The following DPP10 variants were observed in gnomAD, a reference collection of about 807,000 sequenced individuals.
DPP10 encodes the protein inactive dipeptidyl peptidase 10.
Under a neutral mutation model 120.9 loss-of-function variants are expected in DPP10, and 33 were observed. The ratio of observed to expected loss-of-function variants is 0.27; its 90% CI spans 0.21 to 0.37. The LOEUF (loss-of-function observed/expected upper bound fraction) is 0.37. Among genes scored for constraint, DPP10 ranks in the 10% least tolerant of loss-of-function variants. DPP10 has a pLI of 1.00. For synonymous variants in DPP10, 337 were observed against 326.1 expected (o/e 1.03, Z -0.36); for missense variants, 816 against 942.8 (o/e 0.87, Z 1.76).
chr2:115,249,399 G>A (rs368073550), intron 1 of DPP10, among the ~76,000 whole-genome samples: 150 of 152,144 alleles, frequency 9.9e-4, no homozygotes, highest in African/African-American at 3.4e-3. Context: ...CAAATAGAGG[G>A]AACCACATAA....
chr2:114,869,339 G>T (rs115700150), intron 1 of DPP10, among the ~76,000 whole-genome samples: 1,783 of 152,194 alleles, frequency 0.012, 24 homozygotes, highest in African/African-American at 0.04. Context: ...TGTTTATTGT[G>T]CACTGGCTCC....
chr2:115,611,990 A>T lies in DPP10; in HGVS notation c.442-77697A>T, dbSNP rs536430510. Among the ~76,000 whole-genome samples the T allele has an allele frequency of 6.6e-5, 10 of 152,296 alleles. No homozygotes were observed. The South Asian group carries it at 2.1e-3, about 32-fold the overall frequency. On this transcript the variant is annotated intron_variant, in intron 5 of 25. Transcript: ENST00000410059. Reference sequence around the variant, plus strand: ...TGGCATATTCACAAATGTTAGATTTATGATGATTAGTGAGAAAATATAACT... The same window carrying T: ...TGGCATATTCACAAATGTTAGATTTTTGATGATTAGTGAGAAAATATAACT...
chr2:115,019,484 A>T (rs79437389), intron 1 of DPP10, among the ~76,000 whole-genome samples: 7,726 of 152,084 alleles, frequency 0.051, 283 homozygotes, highest in East Asian at 0.16. Context: ...AAAATGAATT[A>T]AAAAAAATGA....
chr2:115,344,427 A>T (rs1344492101), intron 3 of DPP10, among the ~76,000 whole-genome samples: 2 of 152,086 alleles, frequency 1.3e-5, no homozygotes, highest in Non-Finnish European at 2.9e-5. Flanking sequence ...AGTACGTAGA[A>T]ATGTTAAGTG....
chr2:115,292,950 T>TGCCC (rs1348742899), intron 1 of DPP10, among the ~76,000 whole-genome samples: 5 of 152,124 alleles, frequency 3.3e-5, no homozygotes, highest in Admixed American at 6.6e-5. Context: ...ACTGGCTGGC[T>TGCCC]GCCCACGTTT....
At chr2:115,079,185 C>G (rs1708048510) in intron 1 of DPP10, among the ~76,000 whole-genome samples, 2 of 152,034 alleles carry the variant, frequency 1.3e-5, no homozygotes, top group African/African-American at 4.8e-5. Flanking sequence ...TCGAGACCAT[C>G]CTGGCTAACG....
chr2:115,552,269 A>T (rs908743017), intron 5 of DPP10, among the ~76,000 whole-genome samples: 1 of 152,226 alleles, frequency 6.6e-6, no homozygotes, highest in Middle Eastern at 3.4e-3. Flanking sequence ...TCTGAGATTA[A>T]GTTATCTCCC....
rs564952534 is a variant in DPP10, at chr2:115,763,822, T to G, written c.1113+1212T>G. Among the ~76,000 whole-genome samples the G allele has an allele frequency of 4.6e-5, 7 of 152,290 alleles. No homozygotes were observed. In the South Asian group the frequency reaches 1.5e-3, roughly 32 times the overall value. Reference sequence around the variant, plus strand: ...GTCCTTCAGATAAAGACCAACATCCTTAAAAGGTCCACAAGGGATTAATTG... The same window carrying G: ...GTCCTTCAGATAAAGACCAACATCCGTAAAAGGTCCACAAGGGATTAATTG... On this transcript the variant is annotated intron_variant, in intron 12 of 25. Transcript: ENST00000410059.
At chr2:114,629,553 GAT>G (rs2105367240) in intron 1 of DPP10, among the ~76,000 whole-genome samples, 1 of 152,192 alleles carries the variant, frequency 6.6e-6, no homozygotes, top group East Asian at 1.9e-4. Context: ...TTAATAATAA[GAT>G]AAATATAATT....
intron 1 of DPP10, among the ~76,000 whole-genome samples, chr2:114,755,693 A>G (rs1342802264): frequency 6.6e-6 from 1 of 152,232 alleles, no homozygotes; most frequent in African/African-American, 2.4e-5. Context: ...AATAAAGTGG[A>G]GCCAACTTTC....
intron 1 of DPP10, among the ~76,000 whole-genome samples, chr2:115,179,982 C>T (rs947298265): frequency 8.6e-5 from 13 of 152,038 alleles, no homozygotes; most frequent in Admixed American, 3.9e-4. Flanking sequence ...ATCAAATAAC[C>T]TCTTTTCTCT....
At chr2:114,961,185 G>A (rs1698598314) in intron 1 of DPP10, among the ~76,000 whole-genome samples, 1 of 151,752 alleles carries the variant, frequency 6.6e-6, no homozygotes, top group Non-Finnish European at 1.5e-5. Flanking sequence ...CTCCCAGGTA[G>A]CTGGGATTAC....
intron 1 of DPP10, among the ~76,000 whole-genome samples, chr2:114,616,620 C>T (rs912721630): frequency 6.6e-6 from 1 of 152,064 alleles, no homozygotes; most frequent in African/African-American, 2.4e-5. Context: ...TTGCTCACAA[C>T]ATTATCACGG....
At chr2:115,655,539 C>A (rs2088227708) in intron 5 of DPP10, among the ~76,000 whole-genome samples, 1 of 151,410 alleles carries the variant, frequency 6.6e-6, no homozygotes, top group African/African-American at 2.4e-5. Context: ...CTAATCAACC[C>A]CATCTTCTGT....
At chr2:115,379,653 A>C (rs967200651) in intron 3 of DPP10, among the ~76,000 whole-genome samples, 5 of 151,878 alleles carry the variant, frequency 3.3e-5, no homozygotes, top group South Asian at 2.1e-4. Flanking sequence ...TCAGGGTGTC[A>C]ATTTTGGATC....
Position 115,319,283 on chromosome 2 carries a change from G to T in DPP10, c.175+9930G>T, listed in dbSNP as rs756230919. On this transcript the variant is annotated intron_variant, in intron 2 of 25. Transcript: ENST00000410059. ...TGTATAAGCCTCTTCATATGCTGAA[G>T]AACTCAGTTTTCTAATATACCTGAA... Among the ~76,000 whole-genome samples the T allele has an allele frequency of 2.0e-5, 3 of 152,182 alleles. No homozygotes were observed. The South Asian group carries it at 6.2e-4, about 32-fold the overall frequency.
At chr2:115,605,421 A>G (rs955182274) in intron 5 of DPP10, among the ~76,000 whole-genome samples, 1 of 152,072 alleles carries the variant, frequency 6.6e-6, no homozygotes, top group Non-Finnish European at 1.5e-5. Context: ...CTTTTGGTAT[A>G]TATTTCCCCA....
In DPP10 at chr2:115,146,452, A is replaced by G. The variant is rs138911277; in HGVS notation, c.61-162787A>G. Among the ~76,000 whole-genome samples, 477 of 152,202 alleles carry G rather than the reference A, an allele frequency of 3.1e-3. 11 individuals carry two copies. Among genetic ancestry groups the G allele is most frequent in the African/African-American group, 0.011 (444 of 41,534 alleles). ...TTACAAAATCCCTGTTATTTATATA[A>G]AATAAATTATACTAAAAACATTGAG... On this transcript the variant is annotated intron_variant, in intron 1 of 25. Transcript: ENST00000410059.
intron 1 of DPP10, among the ~76,000 whole-genome samples, chr2:114,512,848 C>T (rs1684259776): frequency 6.6e-6 from 1 of 152,160 alleles, no homozygotes. Context: ...CTTGTTGTCA[C>T]GTTCCTGTTG....
Sources: allele counts gnomAD v4.1 joint callset (sites outside exome capture counted in the v4.1 genomes callset), GRCh38; gene constraint gnomAD v4.1.1; transcripts MANE v1.5; gene names NCBI Gene and HGNC (gene_info 2026-07-23, HGNC 2026-07-21).